Variants in VTI1A observed in about 807,000 individuals in gnomAD.
VTI1A encodes vesicle transport through interaction with t-SNAREs 1A, also known as vesicle transport through interaction with t-SNAREs homolog 1A.
In VTI1A, 22 loss-of-function variants were observed where a neutral mutation model predicts 34.9. The observed-to-expected ratio is 0.63, with a 90% CI of 0.45 to 0.90. The LOEUF (loss-of-function observed/expected upper bound fraction) is 0.90. Ranked by LOEUF, VTI1A falls within the 40% of genes least tolerant of loss-of-function variation. The pLI is 0.00. For missense variants in VTI1A, 268 were observed against 275.6 expected (o/e 0.97, Z 0.20); for synonymous variants, 87 against 97.3 (o/e 0.89, Z 0.62).
intron 7 of VTI1A, among the ~76,000 whole-genome samples, chr10:112,778,138 A>G (rs1312717794): frequency 1.3e-5 from 2 of 152,232 alleles, no homozygotes; most frequent in East Asian, 3.9e-4. Flanking sequence ...TGGTGATAGC[A>G]AGTTCCGTAA....
intron 5 of VTI1A, among the ~76,000 whole-genome samples, chr10:112,569,308 T>G (rs1371780089): frequency 6.6e-6 from 1 of 152,194 alleles, no homozygotes; most frequent in Non-Finnish European, 1.5e-5. Flanking sequence ...CATAATTATC[T>G]TACGGGGTAA....
rs767118967 is a variant in VTI1A, at chr10:112,669,018, A to G, written c.560+20A>G. On this transcript the variant is annotated intron_variant, in intron 7 of 7. Transcript: ENST00000393077. ...GCGAAGGTAAGAGCAAGGTAGGGAC[A>G]TATCTTTCTCTCTGTGTGTTTTTTT... The G allele has an allele frequency of 6.2e-6, 10 of 1,610,008 alleles. No individual in the cohort carries two copies. The highest frequency in any genetic ancestry group is 1.7e-5 in the Admixed American group (1 of 59,668).
chr10:112,502,386 GATATTC>G (rs547053683), intron 3 of VTI1A, among the ~76,000 whole-genome samples: 57 of 152,060 alleles, frequency 3.7e-4, no homozygotes, highest in Non-Finnish European at 6.8e-4. Flanking sequence ...AGGTAAATTA[GATATTC>G]ATATTTGCTT....
At chr10:112,466,044 TAAA>T in intron 3 of VTI1A, among the ~76,000 whole-genome samples, 1 of 152,214 alleles carries the variant, frequency 6.6e-6, no homozygotes, top group Middle Eastern at 3.4e-3. Flanking sequence ...CTTTAAAAAA[TAAA>T]AAGATACAGG....
chr10:112,612,278 T>C (rs1845347696), intron 5 of VTI1A, among the ~76,000 whole-genome samples: 2 of 152,162 alleles, frequency 1.3e-5, no homozygotes, highest in South Asian at 4.1e-4. Flanking sequence ...TAATTAAGAT[T>C]GGTAGAAACT....
chr10:112,735,158 A>T (rs1313918606), intron 7 of VTI1A, among the ~76,000 whole-genome samples: 1 of 152,182 alleles, frequency 6.6e-6, no homozygotes, highest in Non-Finnish European at 1.5e-5. Context: ...CCTTCTGATT[A>T]TGTTCTTCAT....
intron 5 of VTI1A, among the ~76,000 whole-genome samples, chr10:112,600,147 G>A (rs981639701): frequency 1.3e-5 from 2 of 152,076 alleles, no homozygotes; most frequent in African/African-American, 4.8e-5. Flanking sequence ...CTGAAAAACG[G>A]AATGTTTGAA....
chr10:112,465,695 G>A (rs555044651), intron 3 of VTI1A, among the ~76,000 whole-genome samples: 6 of 152,158 alleles, frequency 3.9e-5, no homozygotes, highest in East Asian at 1.9e-4. Flanking sequence ...GGTAGTTACC[G>A]GGGACTTGAG....
chr10:112,834,710 A>G, the VTI1A span, among the ~76,000 whole-genome samples: 1 of 152,152 alleles, frequency 6.6e-6, no homozygotes, highest in Non-Finnish European at 1.5e-5. Flanking sequence ...GCTTCTCCCT[A>G]CCTTCAGGCT....
At chr10:112,474,549 A>G (rs955477624) in intron 3 of VTI1A, among the ~76,000 whole-genome samples, 3 of 149,678 alleles carry the variant, frequency 2.0e-5, no homozygotes, top group Non-Finnish European at 4.4e-5. Context: ...TTGACCTCCT[A>G]GGCTCAAGTG....
intron 1 of VTI1A, among the ~76,000 whole-genome samples, chr10:112,448,653 A>G (rs1847083852): frequency 2.0e-5 from 3 of 152,164 alleles, no homozygotes; most frequent in Admixed American, 1.3e-4. Context: ...ACTTGTCCCT[A>G]CCCTAGCTCC....
chr10:112,745,425 C>T (rs957491874), intron 7 of VTI1A, among the ~76,000 whole-genome samples: 2 of 151,850 alleles, frequency 1.3e-5, no homozygotes, highest in Non-Finnish European at 2.9e-5. Flanking sequence ...GTTTTTGTGC[C>T]ACCCACGTAC....
intron 7 of VTI1A, among the ~76,000 whole-genome samples, chr10:112,705,073 T>C (rs1222860930): frequency 9.5e-6 from 1 of 104,824 alleles, no homozygotes; most frequent in Non-Finnish European, 1.6e-5. Flanking sequence ...GTTTTTAAGT[T>C]TTTTTTTTTT....
intron 7 of VTI1A, among the ~76,000 whole-genome samples, chr10:112,784,367 A>T (rs1294060505): frequency 6.6e-6 from 1 of 152,222 alleles, no homozygotes; most frequent in Non-Finnish European, 1.5e-5. Flanking sequence ...GGGGAAAAGA[A>T]ATTGCCTATA....
upstream of VTI1A, chr10:112,447,211 C>G: frequency 1.6e-6 from 1 of 641,856 alleles, no homozygotes; most frequent in Non-Finnish European, 2.6e-6. Context: ...ACCGAGATTG[C>G]GACGAACAAC....
chr10:112,562,800 G>A (rs1332259190), intron 5 of VTI1A, among the ~76,000 whole-genome samples: 1 of 152,006 alleles, frequency 6.6e-6, no homozygotes, highest in Non-Finnish European at 1.5e-5. Context: ...ATCCTCATTC[G>A]ATAAAAGTGA....
At chr10:112,606,523 A>C (rs1290070966) in intron 5 of VTI1A, among the ~76,000 whole-genome samples, 1 of 152,184 alleles carries the variant, frequency 6.6e-6, no homozygotes, top group Non-Finnish European at 1.5e-5. Flanking sequence ...CTGTGTGAGG[A>C]CAAGAACTAA....
At chr10:112,458,413 T>G (rs1020564224) in intron 1 of VTI1A, among the ~76,000 whole-genome samples, 2 of 152,144 alleles carry the variant, frequency 1.3e-5, no homozygotes, top group Non-Finnish European at 2.9e-5. Flanking sequence ...GATCATCTAT[T>G]AAATATTTAA....
chr10:112,586,802 A>G lies in VTI1A; in HGVS notation c.427+48472A>G, dbSNP rs535862113. Among the ~76,000 whole-genome samples the G allele has an allele frequency of 3.9e-5, 6 of 152,296 alleles. No individual in the cohort carries two copies. In the East Asian group the frequency reaches 5.8e-4, roughly 15 times the overall value. On this transcript the variant is annotated intron_variant, in intron 5 of 7. Transcript: ENST00000393077. ...ACAAATTCAGAATTTCTCATTTCCA[A>G]CATCTCCATTTTGCACATCCTATTA... is the stretch of plus-strand genomic sequence containing the variant.
Sources: allele counts gnomAD v4.1 joint callset (sites outside exome capture counted in the v4.1 genomes callset), GRCh38; gene constraint gnomAD v4.1.1; transcripts MANE v1.5; gene names NCBI Gene and HGNC (gene_info 2026-07-23, HGNC 2026-07-21).